KRT12: variants seen among roughly 807,000 people sequenced by gnomAD.
The protein encoded by KRT12 is keratin 12.
Under a neutral mutation model 50.2 loss-of-function variants are expected in KRT12, and 43 were observed. The observed-to-expected ratio is 0.86, with a 90% CI of 0.67 to 1.11. The LOEUF (loss-of-function observed/expected upper bound fraction) is 1.11. Among genes scored for constraint, KRT12 ranks in the 50% least tolerant of loss-of-function variants. KRT12 has a pLI of 0.00. For missense variants in KRT12, 588 were observed against 625.6 expected (o/e 0.94, Z 0.64); for synonymous variants, 257 against 253.6 (o/e 1.01, Z -0.13).
Position 40,863,236 on chromosome 17 carries a change from C to T in KRT12, c.1203G>A (p.Val401=). ...ISNLEAQLLQ[V]RADAERQNVD... ...CGTTCTGGCGCTCTGCGTCCGCGCGCACCTGGAGCAGCTGTGCCTCCAGGT... is the reference window on the plus strand; with the variant it reads ...CGTTCTGGCGCTCTGCGTCCGCGCGTACCTGGAGCAGCTGTGCCTCCAGGT... Residue 401 remains valine, a synonymous_variant, in exon 6 of 8, where the codon GTG becomes GTA. Coordinates refer to ENST00000251643, the MANE Select transcript of KRT12 (RefSeq NM_000223.4). This position sits in a 1 kb window ranked among gnomAD's most constrained non-coding sequence, Gnocchi z 4.2. 1.2e-6 allele frequency: 2 copies of T among 1,613,982 alleles called. No individual in the cohort carries two copies. The highest frequency in any genetic ancestry group is 1.7e-6 in the Non-Finnish European group (2 of 1,180,004).
In KRT12 at chr17:40,863,640, G is replaced by C. The variant is rs746351638; in HGVS notation, c.970-30C>G. The C allele has an allele frequency of 3.1e-6, 5 of 1,614,204 alleles. No individual in the cohort carries two copies. In the South Asian group the frequency reaches 5.5e-5, roughly 18 times the overall value. On this transcript the variant is annotated intron_variant, in intron 4 of 7. Coordinates refer to ENST00000251643, the MANE Select transcript of KRT12 (RefSeq NM_000223.4). The surrounding 1 kb of genome is among the most constrained non-coding windows in gnomAD (Gnocchi z 4.2). ...AACAGCAAAGACAGCCAGGGGGCTC[G>C]AGCGCTGAGCTCGTTCGCAGGCCTT... is the stretch of plus-strand genomic sequence containing the variant.
intron 2 of KRT12, among the ~76,000 whole-genome samples, chr17:40,865,341 T>C (rs902426154): frequency 6.6e-6 from 1 of 152,216 alleles, no homozygotes; most frequent in Non-Finnish European, 1.5e-5. Flanking sequence ...CTTAACGTTC[T>C]TCATGATTTA....
Position 40,864,929 on chromosome 17 carries a change from T to A in KRT12, c.684A>T (p.Val228=). ...GGCGCAGGCCATTGATGTCGGCCTC[T>A]ACGCCCTGGCGCAGGGCCAGTTCAT... ...YENELALRQG[V]EADINGLRRV... Residue 228 remains valine (V), a synonymous_variant, in exon 3 of 8, where the codon GTA becomes GTT. Coordinates refer to ENST00000251643, the MANE Select transcript of KRT12 (RefSeq NM_000223.4). 1 of 1,614,258 alleles carries A rather than the reference T, an allele frequency of 6.2e-7. No individual in the cohort carries two copies. Among genetic ancestry groups the A allele is most frequent in the Non-Finnish European group, 8.5e-7 (1 of 1,180,044 alleles).
At chr17:40,866,130 A>T in intron 2 of KRT12, 25 bp downstream of exon 2, 1 of 1,573,372 alleles carries the variant, frequency 6.4e-7, no homozygotes, top group Non-Finnish European at 8.8e-7. Context: ...GGACACGCCC[A>T]TGATCTTCAG....
chr17:40,862,711 T>A, intron 6 of KRT12, 76 bp from the exon 7 acceptor site: 1 of 1,060,438 alleles, frequency 9.4e-7, no homozygotes. Flanking sequence ...TCTGAGAAAT[T>A]AGATTTCCCA....
intron 6 of KRT12, 152 bp from the exon 7 acceptor site, chr17:40,862,787 A>G (rs1008901993): frequency 2.1e-4 from 143 of 691,004 alleles, no homozygotes; most frequent in Non-Finnish European, 3.4e-4. Context: ...TTGTTAGAGT[A>G]GGTGGTTCAG....
Position 40,866,835 on chromosome 17 carries a change from C to T in KRT12, c.352G>A (p.Gly118Arg). Residue 118 changes from glycine (G) to arginine (R), a missense_variant, in exon 1 of 8, where the codon GGA becomes AGA. Transcript: ENST00000251643. Reference protein sequence around the residue: ...GSLGILSGNDGGLLSGSEKET... With the variant: ...GSLGILSGNDRGLLSGSEKET... The stretch of plus-strand genomic sequence containing the variant: ...TTTTCTGATCCAGAAAGAAGGCCTC[C>T]ATCATTGCCCGAGAGAATACCTAGA... 1 of 1,614,172 alleles carries T rather than the reference C, an allele frequency of 6.2e-7. No individual in the cohort carries two copies. The highest frequency in any genetic ancestry group is 8.5e-7 in the Non-Finnish European group (1 of 1,180,028).
Position 40,867,136 on chromosome 17 carries a change from C to G in KRT12, c.51G>C (p.Leu17=). Residue 17 remains leucine, a synonymous_variant, in exon 1 of 8, where the codon CTG becomes CTC. Transcript: ENST00000251643. ...CACTCTGCGAGGAGAGCCGCCGGGA[C>G]AGTCCGGGGGTGCGCACTGAGAGTG... The part of the protein sequence containing the change: ...TMSLSVRTPG[L]SRRLSSQSVI... 1.9e-6 allele frequency: 3 copies of G among 1,612,432 alleles called. No individual in the cohort carries two copies. Among genetic ancestry groups the G allele is most frequent in the Non-Finnish European group, 1.7e-6 (2 of 1,180,016 alleles).
In KRT12 at chr17:40,863,859, G is replaced by C. The variant is rs745804216; in HGVS notation, c.813C>G (p.Leu271=). The stretch of plus-strand genomic sequence containing the variant: ...CTGGGCCGCCCACCCGGAAGCTTTG[G>C]AGCTCCTGGGGACAGCATGTGAGAG... ...AYMKKNHEDE[L]QSFRVGGPGE... Residue 271 remains leucine (L), a synonymous_variant, in exon 4 of 8, where the codon CTC becomes CTG. Coordinates refer to ENST00000251643, the MANE Select transcript of KRT12 (RefSeq NM_000223.4). This position sits in a 1 kb window ranked among gnomAD's most constrained non-coding sequence, Gnocchi z 4.2. The C allele has an allele frequency of 2.5e-6, 4 of 1,603,106 alleles. No homozygotes were observed. The highest frequency in any genetic ancestry group is 3.4e-6 in the Non-Finnish European group (4 of 1,176,086).
At chr17:40,862,754 G>C in intron 6 of KRT12, 119 bp from the exon 7 acceptor site, 3 of 796,626 alleles carry the variant, frequency 3.8e-6, no homozygotes, top group East Asian at 2.4e-5. Flanking sequence ...AACTAGTGCA[G>C]ACTCTGATCA....
Position 40,863,092 on chromosome 17 carries a change from A to T in KRT12, c.1316+31T>A, listed in dbSNP as rs767952981. ...GCTGCCCACTCTTGGTCAGCCCCTG[A>T]AGGTGTTTACAGCCTCCGTTGTCTG... On this transcript the variant is annotated intron_variant, in intron 6 of 7. Transcript: ENST00000251643. The surrounding 1 kb of genome is among the most constrained non-coding windows in gnomAD (Gnocchi z 4.2). 1 of 1,591,210 alleles carries T rather than the reference A, an allele frequency of 6.3e-7. No homozygotes were observed. The highest frequency in any genetic ancestry group is 1.1e-5 in the South Asian group (1 of 90,596).
chr17:40,866,125 C>T (rs781482999), intron 2 of KRT12, 30 bp downstream of exon 2: 31 of 1,542,782 alleles, frequency 2.0e-5, no homozygotes, highest in African/African-American at 5.4e-5. Flanking sequence ...TGGTGGGACA[C>T]GCCCATGATC....
Position 40,866,741 on chromosome 17 carries a change from G to A in KRT12, c.446C>T (p.Ala149Val), listed in dbSNP as rs148250043. The change falls in exon 1 of 8, where the codon GCT becomes GTT. Residue 149 changes from alanine to valine, a missense_variant. By Grantham distance (64) the Ala-to-Val change is moderately conservative (BLOSUM62 0). Transcript: ENST00000251643. ...YLDKVRALEE[A>V]NTELENKIRE... ...AATTTTATTTTCTAGCTCAGTATTA[G>A]CCTCTTCTAGAGCTCGCACCTTATC... The A allele has an allele frequency of 9.9e-6, 16 of 1,613,976 alleles. No homozygotes were observed. Among genetic ancestry groups the A allele is most frequent in the African/African-American group, 8.0e-5 (6 of 74,902 alleles).
chr17:40,862,804 A>G (rs1906850672), intron 6 of KRT12, among the ~76,000 whole-genome samples, 169 bp from the exon 7 acceptor site: 1 of 152,184 alleles, frequency 6.6e-6, no homozygotes, highest in African/African-American at 2.4e-5. Flanking sequence ...TCAGGTGGCT[A>G]CTATGTGTCC....
At position 40,863,662 on chromosome 17, in the gene KRT12, C is replaced by G. The variant is rs773842232; in HGVS notation, c.969+41G>C. On this transcript the variant is annotated intron_variant, in intron 4 of 7. Coordinates refer to ENST00000251643, the MANE Select transcript of KRT12 (RefSeq NM_000223.4). The surrounding 1 kb of genome is among the most constrained non-coding windows in gnomAD (Gnocchi z 4.2). ...CTCGAGCGCTGAGCTCGTTCGCAGG[C>G]CTTTCTGTGAATGTATCAAAGCCTT... is the stretch of plus-strand genomic sequence containing the variant. 64 of 1,614,096 alleles carry G rather than the reference C, an allele frequency of 4.0e-5. No individual in the cohort carries two copies. Among genetic ancestry groups the G allele is most frequent in the Non-Finnish European group, 5.4e-5 (64 of 1,180,048 alleles).
chr17:40,863,356 G>T lies in KRT12; in HGVS notation c.1096-13C>A. ...CCAGGGATTTCTTCTGCACGTGGGA[G>T]GGAAATGGCATAGAAATAACGATGG... On this transcript the variant is annotated splice_polypyrimidine_tract_variant and intron_variant, in intron 5 of 7. Coordinates refer to ENST00000251643, the MANE Select transcript of KRT12 (RefSeq NM_000223.4). The surrounding 1 kb of genome is among the most constrained non-coding windows in gnomAD (Gnocchi z 4.2). The T allele has an allele frequency of 6.2e-7, 1 of 1,613,636 alleles. No individual in the cohort carries two copies. The highest frequency in any genetic ancestry group is 8.5e-7 in the Non-Finnish European group (1 of 1,179,710).
intron 7 of KRT12, 64 bp from the exon 8 acceptor site, chr17:40,861,822 T>G: frequency 9.5e-7 from 1 of 1,047,472 alleles, no homozygotes; most frequent in Non-Finnish European, 1.5e-6. Context: ...CAACACTGGT[T>G]GTTTAATGTA....
chr17:40,863,650 C>G lies in KRT12; in HGVS notation c.970-40G>C, dbSNP rs1906892008. 2 of 1,614,248 alleles carry G rather than the reference C, an allele frequency of 1.2e-6. No homozygotes were observed. Among genetic ancestry groups the G allele is most frequent in the Non-Finnish European group, 1.7e-6 (2 of 1,180,040 alleles). On this transcript the variant is annotated intron_variant, in intron 4 of 7. Coordinates refer to ENST00000251643, the MANE Select transcript of KRT12 (RefSeq NM_000223.4). This position sits in a 1 kb window ranked among gnomAD's most constrained non-coding sequence, Gnocchi z 4.2. ...ACAGCCAGGGGGCTCGAGCGCTGAG[C>G]TCGTTCGCAGGCCTTTCTGTGAATG...
chr17:40,866,766 C>A lies in KRT12; in HGVS notation c.421G>T (p.Asp141Tyr), dbSNP rs775252087. The A allele has an allele frequency of 6.2e-7, 1 of 1,614,122 alleles. No individual in the cohort carries two copies. The highest frequency in any genetic ancestry group is 8.5e-7 in the Non-Finnish European group (1 of 1,180,024). ...GCCTCTTCTAGAGCTCGCACCTTAT[C>A]CAGGTAGGAAGCTAATCTATCATTA... is the stretch of plus-strand genomic sequence containing the variant. The part of the protein sequence containing the change: ...NLNDRLASYL[D>Y]KVRALEEANT... The change falls in exon 1 of 8, where the codon GAT (aspartate) becomes TAT (tyrosine). Residue 141 changes from aspartate to tyrosine, a missense_variant. By Grantham distance (160) the Asp-to-Tyr change is radical (BLOSUM62 -3). Transcript: ENST00000251643.
Sources: allele counts gnomAD v4.1 joint callset (sites outside exome capture counted in the v4.1 genomes callset), GRCh38; gene constraint gnomAD v4.1.1; non-coding constraint Gnocchi (gnomAD v3.1); transcripts MANE v1.5; gene names NCBI Gene and HGNC (gene_info 2026-07-23, HGNC 2026-07-21).